Variants in TMTC1 observed in about 807,000 individuals in gnomAD.
The protein encoded by TMTC1 is protein O-mannosyl-transferase TMTC1.
TMTC1 carries 73 observed loss-of-function variants against 104.8 expected under a neutral mutation model. That is an observed-to-expected ratio of 0.70 (90% confidence interval 0.58 to 0.85). The LOEUF (loss-of-function observed/expected upper bound fraction) is 0.85, where lower values mean the gene tolerates loss of function less well. TMTC1 is among the 40% of genes least tolerant of loss of function. TMTC1 has a pLI of 0.00. For missense variants in TMTC1, 1,035 were observed against 1,096.1 expected, an observed-to-expected ratio of 0.94 and a Z score of 0.79; for synonymous variants, 434 against 428.7, an observed-to-expected ratio of 1.01 and a Z score of -0.15.
chr12:29,624,804 A>T (rs1432682906), intron 6 of TMTC1, among the ~76,000 whole-genome samples: 2 of 152,214 alleles, frequency 1.3e-5, no homozygotes, highest in Non-Finnish European at 2.9e-5. Context: ...CACTGTGCTA[A>T]TCACAGCAAC....
chr12:29,506,923 G>A lies in TMTC1; in HGVS notation c.2572C>T (p.Leu858=), dbSNP rs372131591. 1.5e-5 allele frequency: 24 copies of A among 1,613,944 alleles called. No individual in the cohort carries two copies. Among genetic ancestry groups the A allele is most frequent in the Non-Finnish European group, 2.0e-5 (24 of 1,179,936 alleles). Residue 858 remains leucine, a synonymous_variant, in exon 18 of 18, where the codon CTG becomes TTG. Coordinates refer to ENST00000539277, the MANE Select transcript of TMTC1 (RefSeq NM_001193451.2). ...AATTTGGCAAGATTTTCCTTCAGCAGTTTGCTGTCTGGAACCAGCTGTAAG... is the reference window on the plus strand; with the variant it reads ...AATTTGGCAAGATTTTCCTTCAGCAATTTGCTGTCTGGAACCAGCTGTAAG... ...RALQLVPDSK[L]LKENLAKLDR... is the part of the protein sequence containing the mutation.
chr12:29,720,215 A>G (rs78277441), intron 5 of TMTC1, among the ~76,000 whole-genome samples: 8,012 of 152,194 alleles, frequency 0.053, 528 homozygotes, highest in African/African-American at 0.15. Context: ...ACATTTCACA[A>G]CACTAAATCC....
At chr12:29,675,007 T>A (rs74078919) in intron 5 of TMTC1, among the ~76,000 whole-genome samples, 6,360 of 152,288 alleles carry the variant, frequency 0.042, 359 homozygotes, top group African/African-American at 0.13. Context: ...CACTGACATA[T>A]TACAGCAGTG....
At chr12:29,654,685 C>T (rs1253140414) in intron 5 of TMTC1, among the ~76,000 whole-genome samples, 2 of 141,686 alleles carry the variant, frequency 1.4e-5, no homozygotes, top group South Asian at 2.2e-4. Flanking sequence ...TCGTAATAGC[C>T]AAAAAGAGGA....
At chr12:29,695,479 G>A (rs1455916076) in intron 5 of TMTC1, among the ~76,000 whole-genome samples, 1 of 151,806 alleles carries the variant, frequency 6.6e-6, no homozygotes. Context: ...GTTAATTTTT[G>A]TATTTTTAGT....
rs972763444 is a variant in TMTC1 at position 29,503,103 on chromosome 12, C to T, written c.*3743G>A. On this transcript the variant is annotated 3_prime_UTR_variant, in exon 18 of 18. Transcript: ENST00000539277. ...TGAAAGGCCGTTGCGCAGAGGCATT[C>T]GCACAACTGCTGCAAAACCCTGCAT... 3.3e-5 allele frequency: 5 copies of T among 152,176 alleles called. No individual in the cohort carries two copies. The highest frequency in any genetic ancestry group is 6.5e-5 in the Admixed American group (1 of 15,280). The allele number at this position is 152,176 out of a possible 1,614,324, so 9.4% of individuals were successfully genotyped here. A position where few individuals can be genotyped will look rare whatever the true frequency, so the allele number is the denominator to read the frequency against.
At chr12:29,607,302 A>G (rs921494139) in intron 6 of TMTC1, among the ~76,000 whole-genome samples, 1 of 152,194 alleles carries the variant, frequency 6.6e-6, no homozygotes, top group African/African-American at 2.4e-5. Flanking sequence ...TCACTGGTGA[A>G]CGACTTTTGC....
At chr12:29,513,958 G>A (rs1943911354) in intron 16 of TMTC1, among the ~76,000 whole-genome samples, 1 of 152,046 alleles carries the variant, frequency 6.6e-6, no homozygotes, top group African/African-American at 2.4e-5. Flanking sequence ...ACTTTCAAAC[G>A]ACTGGTACCT....
chr12:29,626,208 A>T (rs1300986959), intron 6 of TMTC1, among the ~76,000 whole-genome samples: 1 of 152,212 alleles, frequency 6.6e-6, no homozygotes, highest in Non-Finnish European at 1.5e-5. Context: ...ACAGCAAAAA[A>T]TATTTGTCCC....
chr12:29,738,424 T>C (rs1336229078), intron 5 of TMTC1, among the ~76,000 whole-genome samples: 3 of 152,222 alleles, frequency 2.0e-5, no homozygotes, highest in African/African-American at 7.2e-5. Flanking sequence ...ACTAAGAGTC[T>C]GGCCAAAGTG....
intron 5 of TMTC1, among the ~76,000 whole-genome samples, chr12:29,663,916 TC>T (rs1427492582): frequency 6.6e-6 from 1 of 152,084 alleles, no homozygotes; most frequent in Non-Finnish European, 1.5e-5. Context: ...AGTCCATTTC[TC>T]AAGAAGCTAA....
chr12:29,606,982 C>G (rs1009561523), intron 6 of TMTC1, among the ~76,000 whole-genome samples: 33 of 143,742 alleles, frequency 2.3e-4, no homozygotes, highest in South Asian at 6.7e-4. Context: ...TGCCCCCCCC[C>G]CTCACTCACG....
At position 29,764,871 on chromosome 12, in the gene TMTC1, G is replaced by T. The variant is rs143825177; in HGVS notation, c.480+3027C>A. 1.7e-3 allele frequency among the ~76,000 whole-genome samples: 254 copies of T among 151,902 alleles called. No individual in the cohort carries two copies. In the Middle Eastern group the frequency reaches 0.034, roughly 20 times the overall value. On this transcript the variant is annotated intron_variant, in intron 2 of 17. Transcript: ENST00000539277. ...TAATAGGATTTTCCTCTTTTCTTAG[G>T]AACCAACCTTAACCAGTTCCTGATC...
chr12:29,583,013 T>C (rs1946025566), intron 8 of TMTC1, among the ~76,000 whole-genome samples: 1 of 152,244 alleles, frequency 6.6e-6, no homozygotes, highest in African/African-American at 2.4e-5. Flanking sequence ...CGTATCATGC[T>C]GGAATATTCT....
At chr12:29,727,556 T>C (rs1942429191) in intron 5 of TMTC1, among the ~76,000 whole-genome samples, 1 of 151,920 alleles carries the variant, frequency 6.6e-6, no homozygotes, top group Admixed American at 6.6e-5. Context: ...TTTTGTATTT[T>C]CAGTAGAGAC....
At chr12:29,524,696 G>T (rs756997217) in intron 11 of TMTC1, among the ~76,000 whole-genome samples, 13 of 152,164 alleles carry the variant, frequency 8.5e-5, no homozygotes, top group African/African-American at 2.9e-4. Flanking sequence ...TATGATGTAG[G>T]TTAAAAGGAA....
At chr12:29,623,569 C>T (rs747215430) in intron 6 of TMTC1, among the ~76,000 whole-genome samples, 35 of 152,322 alleles carry the variant, frequency 2.3e-4, no homozygotes, top group Admixed American at 5.9e-4. Context: ...AATCCCAACA[C>T]TTTGGGAGGC....
At position 29,536,461 on chromosome 12, in the gene TMTC1, A is replaced by T. The variant is rs1944646997; in HGVS notation, c.1677-144T>A. 3.2e-5 allele frequency: 20 copies of T among 621,246 alleles called. No homozygotes were observed. The East Asian group carries it at 5.7e-4, about 18-fold the overall frequency. 38.5% of individuals were successfully genotyped at this position (621,246 alleles called of 1,614,324 possible). ...ATTTATTGCAAATGAATTAAACTAC[A>T]TTGTCTCAAGGTGCTAACAGTTTCT... On this transcript the variant is annotated intron_variant, in intron 10 of 17. Coordinates refer to ENST00000539277, the MANE Select transcript of TMTC1 (RefSeq NM_001193451.2).
chr12:29,745,241 T>C (rs1942921899), intron 5 of TMTC1, among the ~76,000 whole-genome samples: 1 of 152,182 alleles, frequency 6.6e-6, no homozygotes, highest in Non-Finnish European at 1.5e-5. Context: ...CCTTCTGCAG[T>C]GCCCTAACAT....
Sources: gnomAD v4.1 joint callset for allele counts (sites outside exome capture counted in the v4.1 genomes callset) on GRCh38, gnomAD v4.1.1 for gene constraint, MANE v1.5 for transcripts, NCBI Gene and HGNC (gene_info 2026-07-23, HGNC 2026-07-21) for gene names.